Variants in IL21R observed in about 807,000 individuals in gnomAD.
IL21R encodes the protein interleukin-21 receptor.
IL21R carries 14 observed loss-of-function variants against 41.3 expected under a neutral mutation model. That is an observed-to-expected ratio of 0.34 (90% CI 0.22 to 0.53). The LOEUF is 0.53. Among genes scored for constraint, IL21R ranks in the 20% least tolerant of loss-of-function variants. The pLI, the probability that IL21R is intolerant of heterozygous loss-of-function variation, is 0.94. For missense variants in IL21R, 588 were observed against 681.6 expected (o/e 0.86, Z 1.53); for synonymous variants, 286 against 287.6 (o/e 0.99, Z 0.05).
chr16:27,429,983 G>A, intron 1 of IL21R, 73 bp from the exon 2 acceptor site: 1 of 1,302,656 alleles, frequency 7.7e-7, no homozygotes, highest in Non-Finnish European at 1.1e-6. Context: ...TGCCTGGGAA[G>A]AGACAGGATG....
At chr16:27,426,797 C>T (rs773649740) in intron 1 of IL21R, among the ~76,000 whole-genome samples, 11 of 152,194 alleles carry the variant, frequency 7.2e-5, no homozygotes, top group Middle Eastern at 3.2e-3. Flanking sequence ...GATCTTCTGG[C>T]TTCAAATTCT....
chr16:27,439,079 A>G (rs1360473921), intron 4 of IL21R, among the ~76,000 whole-genome samples: 1 of 152,228 alleles, frequency 6.6e-6, no homozygotes, highest in Non-Finnish European at 1.5e-5. Context: ...GGGCTGGGGT[A>G]TAAGAGGTGT....
At chr16:27,442,941 T>C in intron 4 of IL21R, 21 bp from the exon 5 acceptor site, 1 of 1,563,926 alleles carries the variant, frequency 6.4e-7, no homozygotes, top group Non-Finnish European at 8.7e-7. Context: ...CCATTTTCTT[T>C]TCCTGGGTTT....
intron 1 of IL21R, among the ~76,000 whole-genome samples, chr16:27,416,188 C>T (rs568137693): frequency 2.0e-5 from 3 of 152,290 alleles, no homozygotes; most frequent in Non-Finnish European, 4.4e-5. Flanking sequence ...CTCACTTTCT[C>T]ACCCAGGCTG....
intron 1 of IL21R, among the ~76,000 whole-genome samples, chr16:27,411,458 T>C (rs1465609363): frequency 8.2e-6 from 1 of 122,400 alleles, no homozygotes; most frequent in Non-Finnish European, 1.7e-5. Flanking sequence ...TTTGTCCTTT[T>C]TTTTTTTTTT....
chr16:27,429,159 G>A (rs1027250152), intron 1 of IL21R, among the ~76,000 whole-genome samples: 3 of 152,132 alleles, frequency 2.0e-5, no homozygotes, highest in Non-Finnish European at 4.4e-5. Flanking sequence ...GGGAGGTAGA[G>A]GTTGCAGTGA....
intron 4 of IL21R, among the ~76,000 whole-genome samples, chr16:27,441,396 T>C (rs2087386628): frequency 6.6e-6 from 1 of 152,242 alleles, no homozygotes; most frequent in East Asian, 1.9e-4. Context: ...GACCTTCACC[T>C]GGAGGCCGCC....
intron 2 of IL21R, among the ~76,000 whole-genome samples, chr16:27,430,887 G>A (rs780656267): frequency 8.5e-5 from 13 of 152,178 alleles, no homozygotes; most frequent in Admixed American, 2.6e-4. Flanking sequence ...GGTGGTCCCT[G>A]GGCTGGGGAC....
At chr16:27,430,176 C>T in intron 2 of IL21R, 56 bp downstream of exon 2, 1 of 1,511,252 alleles carries the variant, frequency 6.6e-7, no homozygotes. Flanking sequence ...CAGAGCTGAG[C>T]CAGGGCCGGG....
At position 27,440,248 on chromosome 16, in the gene IL21R, T is replaced by TATATATATATAGAG. The variant is rs1352160946; in HGVS notation, c.352+2562_352+2563insTATATATATAGAGA. On this transcript the variant is annotated intron_variant, in intron 4 of 8. Transcript: ENST00000337929. Reference sequence around the variant, plus strand: ...ATATATATATATATATATATATATATAGAGAGAGAGAGAGAGAGAGAGAGA... The same window carrying TATATATATATAGAG: ...ATATATATATATATATATATATATATATATATATATAGAGAGAGAGAGAGAGAGAGAGAGAGAGA... Among the ~76,000 whole-genome samples the TATATATATATAGAG allele has an allele frequency of 5.1e-3, 325 of 63,990 alleles. 2 individuals carry two copies. Among genetic ancestry groups the TATATATATATAGAG allele is most frequent in the Non-Finnish European group, 6.7e-3 (252 of 37,608 alleles). The allele number at this position is 63,990 out of a possible 152,430, so 42.0% of individuals were successfully genotyped here.
chr16:27,405,652 C>T (rs911748184), intron 1 of IL21R, among the ~76,000 whole-genome samples: 2 of 152,226 alleles, frequency 1.3e-5, no homozygotes, highest in Non-Finnish European at 2.9e-5. Context: ...CCGGAGCCCC[C>T]GGACACGTGA....
chr16:27,427,263 G>T (rs1343175341), intron 1 of IL21R: 6 of 985,458 alleles, frequency 6.1e-6, no homozygotes, highest in Non-Finnish European at 7.2e-6. Flanking sequence ...AACCACTAGA[G>T]GCAGCTCAGA....
chr16:27,423,707 C>A (rs2087032375), intron 1 of IL21R, among the ~76,000 whole-genome samples: 1 of 152,116 alleles, frequency 6.6e-6, no homozygotes, highest in Non-Finnish European at 1.5e-5. Flanking sequence ...GTAAATGATT[C>A]ATGTTTACAC....
intron 1 of IL21R, among the ~76,000 whole-genome samples, chr16:27,422,337 GA>G (rs1326522879): frequency 2.6e-5 from 4 of 151,896 alleles, no homozygotes; most frequent in Admixed American, 2.6e-4. Flanking sequence ...TGTTAGTTTG[GA>G]AAAAAATTTT....
At chr16:27,406,149 G>A (rs2086742304) in intron 1 of IL21R, among the ~76,000 whole-genome samples, 1 of 152,280 alleles carries the variant, frequency 6.6e-6, no homozygotes, top group Non-Finnish European at 1.5e-5. Context: ...ACTTTGGCCA[G>A]GGCCAGGGCG....
chr16:27,448,192 C>T (rs80083445), intron 8 of IL21R: 14 of 240,158 alleles, frequency 5.8e-5, no homozygotes, highest in African/African-American at 1.1e-4. Context: ...CAGTGACTCA[C>T]GCCTGTAATC....
chr16:27,422,758 T>G (rs2087016933), intron 1 of IL21R, among the ~76,000 whole-genome samples: 1 of 152,214 alleles, frequency 6.6e-6, no homozygotes, highest in East Asian at 1.9e-4. Context: ...TTATCTTCAT[T>G]GTTGATCATT....
chr16:27,450,955 G>A lies in IL21R; in HGVS notation c.*1672G>A, dbSNP rs952733191. 3.9e-5 allele frequency: 9 copies of A among 233,456 alleles called. No individual in the cohort carries two copies. The highest frequency in any genetic ancestry group is 4.2e-5 in the Non-Finnish European group (5 of 118,270). 14.5% of individuals were successfully genotyped at this position (233,456 alleles called of 1,614,324 possible). On this transcript the variant is annotated 3_prime_UTR_variant, in exon 9 of 9. Transcript: ENST00000337929. The stretch of plus-strand genomic sequence containing the variant: ...CATCTGTGAAGTGGGGTGGTTGGGA[G>A]AGGTAGCTGAGAGAATGCATGAGAG...
intron 3 of IL21R, 100 bp downstream of exon 3, chr16:27,434,549 G>A (rs543449892): frequency 4.0e-5 from 30 of 754,722 alleles, no homozygotes; most frequent in South Asian, 2.4e-4. Flanking sequence ...CACTGTGTCC[G>A]CCTTTCAGAC....
Sources: gnomAD v4.1 joint callset for allele counts (sites outside exome capture counted in the v4.1 genomes callset) on GRCh38, gnomAD v4.1.1 for gene constraint, MANE v1.5 for transcripts, NCBI Gene and HGNC (gene_info 2026-07-23, HGNC 2026-07-21) for gene names.